The following CAMK1D variants were observed in gnomAD, a reference collection of about 807,000 sequenced individuals.
The protein encoded by CAMK1D is calcium/calmodulin-dependent protein kinase type 1D.
Under a neutral mutation model 47.7 loss-of-function variants are expected in CAMK1D, and 9 were observed. The observed-to-expected ratio is 0.19, with a 90% CI of 0.11 to 0.33. The LOEUF is 0.33. Among genes scored for constraint, CAMK1D ranks in the 10% least tolerant of loss-of-function variants. The pLI is 1.00. For synonymous variants in CAMK1D, 184 were observed against 184.9 expected (o/e 0.99, Z 0.04); for missense variants, 291 against 488.7 (o/e 0.60, Z 3.81).
At chr10:12,376,162 CAAAAAAAAAAA>C (rs59804213) in intron 1 of CAMK1D, among the ~76,000 whole-genome samples, 1 of 59,988 alleles carries the variant, frequency 1.7e-5, no homozygotes, top group Admixed American at 2.7e-4. Flanking sequence ...GACTCTGTCC[CAAAAAAAAAAA>C]AAAAAAAAAA....
intron 2 of CAMK1D, among the ~76,000 whole-genome samples, chr10:12,592,997 G>T (rs1838042267): frequency 6.6e-6 from 1 of 152,046 alleles, no homozygotes; most frequent in African/African-American, 2.4e-5. Flanking sequence ...TCCAAATTAG[G>T]GTTCCTATTT....
rs369605765 is a variant in CAMK1D at position 12,773,125 on chromosome 10, T to A, written c.565+3326T>A. On this transcript the variant is annotated intron_variant, in intron 5 of 10. Transcript: ENST00000619168. The stretch of plus-strand genomic sequence containing the variant: ...TTGCATTAGGGTTCGTATCAATCTG[T>A]GTCTCTCACTGCACTGTGAGTCTCA... Among the ~76,000 whole-genome samples the A allele has an allele frequency of 2.2e-3, 340 of 152,368 alleles. 2 individuals carry two copies. Among genetic ancestry groups the A allele is most frequent in the African/African-American group, 7.7e-3 (321 of 41,588 alleles).
intron 2 of CAMK1D, among the ~76,000 whole-genome samples, chr10:12,563,545 C>T (rs991827082): frequency 2.6e-5 from 4 of 152,072 alleles, no homozygotes; most frequent in Admixed American, 6.6e-5. Context: ...ACTGTTTTAC[C>T]GGCTGTCTGG....
chr10:12,490,350 G>A (rs1239424684), intron 1 of CAMK1D, among the ~76,000 whole-genome samples: 1 of 152,160 alleles, frequency 6.6e-6, no homozygotes, highest in Admixed American at 6.5e-5. Flanking sequence ...GCCCAGGGAT[G>A]TTAGGTCCTG....
chr10:12,410,574 C>T (rs1839623505), intron 1 of CAMK1D, among the ~76,000 whole-genome samples: 1 of 152,162 alleles, frequency 6.6e-6, no homozygotes, highest in African/African-American at 2.4e-5. Context: ...TCTCTGAAGG[C>T]CTGCTCAGTT....
At chr10:12,823,018 A>G (rs1308716384) in intron 8 of CAMK1D, among the ~76,000 whole-genome samples, 2 of 152,178 alleles carry the variant, frequency 1.3e-5, no homozygotes, top group Non-Finnish European at 1.5e-5. Context: ...TGGGAACATC[A>G]GCCTGGATTC....
intron 1 of CAMK1D, among the ~76,000 whole-genome samples, chr10:12,366,484 A>C (rs899459500): frequency 6.8e-6 from 1 of 147,044 alleles, no homozygotes; most frequent in Non-Finnish European, 1.5e-5. Flanking sequence ...GTGAAACCCC[A>C]TGTCTACTAA....
chr10:12,543,908 A>G (rs578189951), intron 1 of CAMK1D, among the ~76,000 whole-genome samples: 19 of 152,306 alleles, frequency 1.2e-4, no homozygotes, highest in African/African-American at 4.3e-4. Context: ...GCAAAGCAAA[A>G]CAGCTTTTAT....
chr10:12,688,806 C>G (rs770015258), intron 3 of CAMK1D, among the ~76,000 whole-genome samples: 11 of 152,164 alleles, frequency 7.2e-5, no homozygotes, highest in African/African-American at 1.9e-4. Flanking sequence ...TGCCTTACCC[C>G]CTGAGTAGTT....
intron 5 of CAMK1D, among the ~76,000 whole-genome samples, chr10:12,779,458 G>A (rs1033483268): frequency 2.0e-5 from 3 of 152,090 alleles, no homozygotes; most frequent in Admixed American, 6.5e-5. Context: ...TCAAGAGACA[G>A]GGTCTCTGTC....
In CAMK1D at chr10:12,834,873, G is replaced by A. The variant is rs1228963618; in HGVS notation, c.*5986G>A. ...TCAGGGCACAGGGGCCCTGGGACGT[G>A]GTTGGCAGCCAGGCTGCGAGAGAGC... On this transcript the variant is annotated 3_prime_UTR_variant, in exon 11 of 11. Coordinates refer to ENST00000619168, the MANE Select transcript of CAMK1D (RefSeq NM_153498.4). 1 of 152,132 alleles carries A rather than the reference G, an allele frequency of 6.6e-6. No individual in the cohort carries two copies. Among genetic ancestry groups the A allele is most frequent in the Non-Finnish European group, 1.5e-5 (1 of 68,036 alleles). The allele number at this position is 152,132 out of a possible 1,614,324, so 9.4% of individuals were successfully genotyped here.
chr10:12,377,788 G>A (rs1182136946), intron 1 of CAMK1D, among the ~76,000 whole-genome samples: 1 of 152,164 alleles, frequency 6.6e-6, no homozygotes, highest in African/African-American at 2.4e-5. Context: ...AGATGATCTG[G>A]CATGATGTGC....
intron 3 of CAMK1D, among the ~76,000 whole-genome samples, chr10:12,694,573 TAAAA>T (rs1431182321): frequency 2.1e-5 from 2 of 96,080 alleles, no homozygotes; most frequent in Admixed American, 1.2e-4. Flanking sequence ...ATATAATATA[TAAAA>T]ATATATCATA....
At chr10:12,457,779 C>CAAAAAA (rs5783269) in intron 1 of CAMK1D, among the ~76,000 whole-genome samples, 2 of 71,116 alleles carry the variant, frequency 2.8e-5, no homozygotes, top group African/African-American at 4.9e-5. Context: ...GACTCTGTCT[C>CAAAAAA]AAAAAAAAAA....
chr10:12,354,823 A>G (rs529337655), intron 1 of CAMK1D, among the ~76,000 whole-genome samples: 1 of 144,496 alleles, frequency 6.9e-6, no homozygotes, highest in Non-Finnish European at 1.5e-5. Context: ...GGTGCAGCTC[A>G]TTTCTGTTTG....
At chr10:12,413,027 T>G (rs1453151828) in intron 1 of CAMK1D, among the ~76,000 whole-genome samples, 1 of 152,120 alleles carries the variant, frequency 6.6e-6, no homozygotes, top group Non-Finnish European at 1.5e-5. Flanking sequence ...GGCAGAATGG[T>G]GTGTATATTA....
intron 1 of CAMK1D, among the ~76,000 whole-genome samples, chr10:12,536,592 A>G (rs987103776): frequency 3.9e-5 from 6 of 152,268 alleles, no homozygotes; most frequent in Middle Eastern, 6.8e-3. Flanking sequence ...CCTTCAAGCC[A>G]TTGCACCTCC....
At chr10:12,498,274 G>A (rs1051556458) in intron 1 of CAMK1D, among the ~76,000 whole-genome samples, 3 of 152,144 alleles carry the variant, frequency 2.0e-5, no homozygotes, top group Admixed American at 6.5e-5. Context: ...GTGGACCTGG[G>A]GCTCCAAACT....
intron 3 of CAMK1D, among the ~76,000 whole-genome samples, chr10:12,690,684 T>A (rs959146054): frequency 5.3e-5 from 8 of 152,124 alleles, no homozygotes; most frequent in Non-Finnish European, 1.2e-4. Flanking sequence ...TGTGACTGTT[T>A]ATGAGGAAAG....
Sources: gnomAD v4.1 joint callset for allele counts (sites outside exome capture counted in the v4.1 genomes callset) on GRCh38, gnomAD v4.1.1 for gene constraint, MANE v1.5 for transcripts, NCBI Gene and HGNC (gene_info 2026-07-23, HGNC 2026-07-21) for gene names.